WDR7: variants seen among roughly 807,000 people sequenced by gnomAD.
WDR7 encodes the protein WD repeat-containing protein 7.
In WDR7, 46 loss-of-function variants were observed where a neutral mutation model predicts 169.4. The ratio of observed to expected loss-of-function variants is 0.27; its 90% CI spans 0.21 to 0.35. WDR7 has a LOEUF of 0.35. Among genes scored for constraint, WDR7 ranks in the 10% least tolerant of loss-of-function variants. The probability of loss-of-function intolerance (pLI) is 1.00; values close to 1 mark genes in which losing one functional copy is unlikely to be tolerated. For synonymous variants in WDR7, 612 were observed against 666.8 expected (o/e 0.92, Z 1.27); for missense variants, 1,534 against 1,859.3 (o/e 0.83, Z 3.22).
At chr18:56,956,804 G>A (rs2145755717) in intron 25 of WDR7, among the ~76,000 whole-genome samples, 1 of 152,230 alleles carries the variant, frequency 6.6e-6, no homozygotes, top group African/African-American at 2.4e-5. Flanking sequence ...TTTACATTAA[G>A]AATGTAACCT....
intron 21 of WDR7, among the ~76,000 whole-genome samples, chr18:56,920,984 T>C (rs1026232550): frequency 6.6e-6 from 1 of 152,196 alleles, no homozygotes; most frequent in African/African-American, 2.4e-5. Context: ...TAGCTATATC[T>C]TTCTATTATA....
chr18:56,794,187 C>T (rs911034704), intron 19 of WDR7, among the ~76,000 whole-genome samples: 2 of 151,626 alleles, frequency 1.3e-5, no homozygotes, highest in Non-Finnish European at 2.9e-5. Flanking sequence ...GTTACTGACT[C>T]CTGGGTAATC....
At chr18:56,729,277 A>C (rs1476519219) in intron 13 of WDR7, among the ~76,000 whole-genome samples, 4 of 152,206 alleles carry the variant, frequency 2.6e-5, no homozygotes, top group Non-Finnish European at 4.4e-5. Flanking sequence ...ACTTTAATTT[A>C]CTTAAAATAA....
At chr18:56,736,450 T>C (rs1468964367) in intron 14 of WDR7, among the ~76,000 whole-genome samples, 2 of 151,822 alleles carry the variant, frequency 1.3e-5, no homozygotes, top group African/African-American at 4.8e-5. Flanking sequence ...TATGATATTA[T>C]TGAGAGACAG....
In WDR7 at chr18:56,867,113, C is replaced by A. The variant is rs193059091; in HGVS notation, c.3305-12831C>A. On this transcript the variant is annotated intron_variant, in intron 20 of 27. Transcript: ENST00000254442. Reference sequence around the variant, plus strand: ...AATAACAGCTCACTGCAACCTCCGCCCCCTGGGCTCAAGCGATTCTCCCAT... The same window carrying A: ...AATAACAGCTCACTGCAACCTCCGCACCCTGGGCTCAAGCGATTCTCCCAT... Among the ~76,000 whole-genome samples, 28 of 152,228 alleles carry A rather than the reference C, an allele frequency of 1.8e-4. No homozygotes were observed. In the East Asian group the frequency reaches 5.2e-3, roughly 28 times the overall value.
At chr18:56,973,057 G>A (rs553250249) in intron 26 of WDR7, among the ~76,000 whole-genome samples, 5 of 152,168 alleles carry the variant, frequency 3.3e-5, no homozygotes, top group East Asian at 1.9e-4. Flanking sequence ...TAGTGGAGAC[G>A]GGGTTTCACC....
intron 26 of WDR7, among the ~76,000 whole-genome samples, chr18:57,011,351 C>T (rs1441043019): frequency 6.7e-6 from 1 of 149,790 alleles, no homozygotes; most frequent in Non-Finnish European, 1.5e-5. Context: ...GAGCAGTAAA[C>T]ACTGAAGCTA....
intron 21 of WDR7, among the ~76,000 whole-genome samples, chr18:56,923,542 T>A (rs74771805): frequency 0.014 from 2,159 of 152,310 alleles, 34 homozygotes; most frequent in East Asian, 0.039. Flanking sequence ...ATATGAACTG[T>A]GTTAGATGCA....
chr18:56,957,277 T>A (rs1360055886), intron 25 of WDR7: 2 of 152,158 alleles, frequency 1.3e-5, no homozygotes, highest in Non-Finnish European at 2.9e-5. Context: ...AAATAGACGA[T>A]ACTTTCAAGG....
chr18:56,658,887 A>AT (rs771934996), intron 1 of WDR7, among the ~76,000 whole-genome samples: 170 of 147,430 alleles, frequency 1.2e-3, no homozygotes, highest in Non-Finnish European at 1.7e-3. Flanking sequence ...TAATTTTTGT[A>AT]TTTTTTTTTT....
At chr18:56,832,501 C>G (rs1258651685) in intron 20 of WDR7, among the ~76,000 whole-genome samples, 1 of 152,222 alleles carries the variant, frequency 6.6e-6, no homozygotes, top group Non-Finnish European at 1.5e-5. Flanking sequence ...AAGGGACAGA[C>G]TGCCTCCTCA....
At chr18:56,808,789 A>G (rs2044819346) in intron 19 of WDR7, among the ~76,000 whole-genome samples, 1 of 152,176 alleles carries the variant, frequency 6.6e-6, no homozygotes, top group Non-Finnish European at 1.5e-5. Context: ...TGGTGGGGCT[A>G]GTTGAGTGTA....
chr18:57,032,365 A>C (rs933840476), downstream of WDR7: 2 of 152,210 alleles, frequency 1.3e-5, no homozygotes, highest in African/African-American at 4.8e-5. Flanking sequence ...TCTGTTGCCA[A>C]TATCTTCTTG....
chr18:56,911,001 T>G (rs2046544603), intron 21 of WDR7, among the ~76,000 whole-genome samples: 1 of 152,322 alleles, frequency 6.6e-6, no homozygotes, highest in East Asian at 1.9e-4. Context: ...TGACATCTCT[T>G]CCAGAAAGAG....
In WDR7 at chr18:57,029,034, C is replaced by G. The variant is rs897160558; in HGVS notation, c.*1827C>G. 1 of 152,568 alleles carries G rather than the reference C, an allele frequency of 6.6e-6. No homozygotes were observed. The highest frequency in any genetic ancestry group is 1.5e-5 in the Non-Finnish European group (1 of 68,030). The allele number at this position is 152,568 out of a possible 1,614,324, so 9.5% of individuals were successfully genotyped here. A position where few individuals can be genotyped will look rare whatever the true frequency, so the allele number is the denominator to read the frequency against. On this transcript the variant is annotated 3_prime_UTR_variant, in exon 28 of 28. Transcript: ENST00000254442. The stretch of plus-strand genomic sequence containing the variant: ...CAGTGGGTCCAGAGTCTTCTCTATA[C>G]CCAACATATGTTTACTTTATGAACT...
intron 22 of WDR7, among the ~76,000 whole-genome samples, chr18:56,934,817 T>C (rs1599171001): frequency 1.3e-5 from 2 of 152,310 alleles, no homozygotes; most frequent in South Asian, 4.1e-4. Flanking sequence ...AGGATAAGTG[T>C]TCATATGTCT....
At chr18:56,656,792 T>C (rs143003266) in intron 1 of WDR7, among the ~76,000 whole-genome samples, 162 of 152,276 alleles carry the variant, frequency 1.1e-3, no homozygotes, top group African/African-American at 3.6e-3. Context: ...ACAATACCAG[T>C]AGAACTTTGA....
At chr18:56,717,747 C>T (rs900728033) in intron 12 of WDR7, among the ~76,000 whole-genome samples, 3 of 152,136 alleles carry the variant, frequency 2.0e-5, no homozygotes, top group Non-Finnish European at 4.4e-5. Context: ...CTTTTGCAAT[C>T]TTTAATCTAG....
intron 25 of WDR7, among the ~76,000 whole-genome samples, chr18:56,955,016 C>T (rs947298329): frequency 4.6e-5 from 7 of 152,152 alleles, no homozygotes; most frequent in African/African-American, 1.7e-4. Flanking sequence ...GAAATGAACA[C>T]TGTCTACTTT....
Sources: gnomAD v4.1 joint callset for allele counts (sites outside exome capture counted in the v4.1 genomes callset) on GRCh38, gnomAD v4.1.1 for gene constraint, MANE v1.5 for transcripts, NCBI Gene and HGNC (gene_info 2026-07-23, HGNC 2026-07-21) for gene names.